The following UVRAG variants were observed in gnomAD, a reference collection of about 807,000 sequenced individuals.
UVRAG encodes UV radiation resistance associated, also known as UV radiation resistance-associated gene protein.
In UVRAG, 19 loss-of-function variants were observed where a neutral mutation model predicts 78.0. The ratio of observed to expected loss-of-function variants is 0.24; its 90% confidence interval spans 0.17 to 0.36. UVRAG has a LOEUF of 0.36. UVRAG is among the 10% of genes least tolerant of loss of function. UVRAG has a pLI of 1.00. For synonymous variants in UVRAG, 323 were observed against 324.6 expected (o/e 1.00, Z 0.05); for missense variants, 740 against 853.8 (o/e 0.87, Z 1.66).
At chr11:75,899,196 C>G (rs1273763924) in intron 5 of UVRAG, among the ~76,000 whole-genome samples, 1 of 152,106 alleles carries the variant, frequency 6.6e-6, no homozygotes, top group Non-Finnish European at 1.5e-5. Context: ...TATAAAGCAT[C>G]TAGAGATCTG....
intron 2 of UVRAG, among the ~76,000 whole-genome samples, chr11:75,856,278 C>T (rs1003124291): frequency 2.6e-5 from 4 of 152,184 alleles, no homozygotes; most frequent in African/African-American, 7.2e-5. Flanking sequence ...GCTGAGATTA[C>T]AGGCGTGAGC....
chr11:75,852,839 A>G (rs1946186261), intron 2 of UVRAG, among the ~76,000 whole-genome samples: 1 of 152,326 alleles, frequency 6.6e-6, no homozygotes, highest in East Asian at 1.9e-4. Flanking sequence ...AGGTGACATC[A>G]TTTTAACAAA....
chr11:76,106,052 T>C (rs532991948), intron 13 of UVRAG, among the ~76,000 whole-genome samples: 1 of 152,328 alleles, frequency 6.6e-6, no homozygotes, highest in South Asian at 2.1e-4. Context: ...CACATACTTA[T>C]AGCAACTTAA....
chr11:76,125,459 A>G (rs1332748839), intron 14 of UVRAG, among the ~76,000 whole-genome samples: 1 of 151,948 alleles, frequency 6.6e-6, no homozygotes, highest in Non-Finnish European at 1.5e-5. Context: ...GAGTTTAAAC[A>G]CCCTCACTTC....
At chr11:75,914,252 G>A (rs953841921) in intron 6 of UVRAG, 1 of 152,134 alleles carries the variant, frequency 6.6e-6, no homozygotes, top group Non-Finnish European at 1.5e-5. Context: ...GTGCTTTCTA[G>A]GAAACTTAAT....
intron 5 of UVRAG, 124 bp downstream of exon 5, chr11:75,889,027 T>C: frequency 1.3e-6 from 1 of 767,772 alleles, no homozygotes; most frequent in South Asian, 2.5e-5. Context: ...TGTTGCTTAG[T>C]GTGGCTTAAG....
chr11:75,823,300 C>G (rs531844085), intron 1 of UVRAG, among the ~76,000 whole-genome samples: 1 of 152,318 alleles, frequency 6.6e-6, no homozygotes, highest in African/African-American at 2.4e-5. Flanking sequence ...AAGGAAGTCA[C>G]TATGTGTAGT....
At chr11:75,833,714 A>G (rs1043099514) in intron 1 of UVRAG, among the ~76,000 whole-genome samples, 4 of 152,228 alleles carry the variant, frequency 2.6e-5, no homozygotes, top group African/African-American at 9.6e-5. Flanking sequence ...TTGTTTCTAT[A>G]GATTATAGAT....
chr11:76,012,848 T>TG, intron 11 of UVRAG: 2 of 140,486 alleles, frequency 1.4e-5, no homozygotes, highest in African/African-American at 2.7e-5. Flanking sequence ...TGTGTGTGTG[T>TG]TTAAGTAATC....
At chr11:76,023,843 G>A (rs1211801853) in intron 12 of UVRAG, among the ~76,000 whole-genome samples, 1 of 152,034 alleles carries the variant, frequency 6.6e-6, no homozygotes, top group African/African-American at 2.4e-5. Flanking sequence ...AATTTTTCTT[G>A]ATTTTTTCTT....
chr11:75,935,391 A>G (rs1008436859), intron 6 of UVRAG, among the ~76,000 whole-genome samples: 7 of 152,148 alleles, frequency 4.6e-5, no homozygotes, highest in Non-Finnish European at 8.8e-5. Flanking sequence ...CAAATTAGCT[A>G]TTGTGTGAAT....
At chr11:75,833,846 G>A (rs1018876497) in intron 1 of UVRAG, among the ~76,000 whole-genome samples, 3 of 152,226 alleles carry the variant, frequency 2.0e-5, no homozygotes, top group Non-Finnish European at 4.4e-5. Flanking sequence ...ATTGTTTGTG[G>A]TTTAAGAACG....
chr11:76,047,500 C>G (rs1344021150), intron 12 of UVRAG, among the ~76,000 whole-genome samples: 1 of 152,130 alleles, frequency 6.6e-6, no homozygotes, highest in Admixed American at 6.5e-5. Context: ...TATTGTGGTT[C>G]TCTCCCCACT....
chr11:76,082,630 G>A (rs1400056157), intron 13 of UVRAG, among the ~76,000 whole-genome samples: 1 of 150,480 alleles, frequency 6.6e-6, no homozygotes, highest in Non-Finnish European at 1.5e-5. Context: ...AAAAATAATT[G>A]CCATTACAAA....
At chr11:75,828,774 TAC>T (rs1310114865) in intron 1 of UVRAG, among the ~76,000 whole-genome samples, 4 of 100,838 alleles carry the variant, frequency 4.0e-5, no homozygotes, top group South Asian at 2.9e-4. Flanking sequence ...TATATATATA[TAC>T]ACACATATAT....
At chr11:76,118,713 G>T (rs1344903456) in intron 14 of UVRAG, among the ~76,000 whole-genome samples, 1 of 152,030 alleles carries the variant, frequency 6.6e-6, no homozygotes, top group African/African-American at 2.4e-5. Flanking sequence ...GGATTCCTTG[G>T]CTAATATTTT....
chr11:75,983,170 A>G lies in UVRAG; in HGVS notation c.700-217A>G, dbSNP rs190189714. ...TTTGTGTAGTGTCTGTTGGGTCCCC[A>G]GACTTAAGATTTACTTTTACTCTTA... On this transcript the variant is annotated intron_variant, in intron 7 of 14. Coordinates refer to ENST00000356136, the MANE Select transcript of UVRAG (RefSeq NM_003369.4). 3.0e-3 allele frequency among the ~76,000 whole-genome samples: 460 copies of G among 152,272 alleles called. 2 individuals are homozygous for G. Among genetic ancestry groups the G allele is most frequent in the Middle Eastern group, 6.8e-3 (2 of 294 alleles).
At chr11:75,828,731 G>GTATATATATATATATACACACACACA in intron 1 of UVRAG, among the ~76,000 whole-genome samples, 1 of 110,810 alleles carries the variant, frequency 9.0e-6, no homozygotes, top group African/African-American at 3.7e-5. Flanking sequence ...ATGTGTGTGT[G>GTATATATATATATATACACACACACA]TATATATATA....
rs112295442 is a variant in UVRAG, at chr11:75,943,883, G to A, written c.594-17561G>A. ...TCTAGACAGAGGAATGTAGAAGCAG[G>A]CTTTTGGGTAGACTCCTGGTCTTTT... is the stretch of plus-strand genomic sequence containing the variant. On this transcript the variant is annotated intron_variant, in intron 6 of 14. Coordinates refer to ENST00000356136, the MANE Select transcript of UVRAG (RefSeq NM_003369.4). Among the ~76,000 whole-genome samples, 1,033 of 152,254 alleles carry A rather than the reference G, an allele frequency of 6.8e-3. 11 individuals carry two copies. The highest frequency in any genetic ancestry group is 0.024 in the African/African-American group (983 of 41,550).
Sources: gnomAD v4.1 joint callset for allele counts (sites outside exome capture counted in the v4.1 genomes callset) on GRCh38, gnomAD v4.1.1 for gene constraint, MANE v1.5 for transcripts, NCBI Gene and HGNC (gene_info 2026-07-23, HGNC 2026-07-21) for gene names.